ATP6AP1: variants seen among roughly 807,000 people sequenced by gnomAD.
ATP6AP1 encodes V-type proton ATPase subunit S1.
A neutral mutation model predicts 32.0 loss-of-function variants in ATP6AP1; 1 was observed. The observed-to-expected ratio is 0.03, with a 90% CI of 0.01 to 0.15. The LOEUF (loss-of-function observed/expected upper bound fraction) is 0.15, where lower values mean the gene tolerates loss of function less well. Ranked by LOEUF, ATP6AP1 falls within the 10% of genes least tolerant of loss-of-function variation. The probability of loss-of-function intolerance (pLI) is 1.00; values close to 1 mark genes in which losing one functional copy is unlikely to be tolerated. For synonymous variants in ATP6AP1, 187 were observed against 174.9 expected (o/e 1.07, Z -0.55); for missense variants, 297 against 398.8 (o/e 0.74, Z 2.17).
chrX:154,433,704 C>T lies in ATP6AP1; in HGVS notation c.668C>T (p.Ala223Val), dbSNP rs782275544. 5 of 1,211,208 alleles carry T rather than the reference C, an allele frequency of 4.1e-6. No homozygotes were observed. The highest frequency in any genetic ancestry group is 3.0e-5 in the East Asian group (1 of 33,827). Residue 223 changes from alanine (A) to valine (V), a missense_variant, in exon 6 of 10, where the codon GCG becomes GTG. By Grantham distance (64) the Ala-to-Val change is moderately conservative. Around this residue, in one of 2 missense-constraint regions of ATP6AP1, gnomAD observed 155 missense variants for 253.8 expected, o/e 0.61. Coordinates refer to ENST00000369762, the MANE Select transcript of ATP6AP1 (RefSeq NM_001183.6). ...GTCCCATACACAGCGGCCCTCACAG[C>T]GGTCCGCCCTTCCAGGGTATGTGCC... ...EDVPYTAALT[A>V]VRPSRVARDV...
rs150353253 is a variant in ATP6AP1 at position 154,433,705 on chromosome X, G to C, written c.669G>C (p.Ala223=). 6 of 1,209,675 alleles carry C rather than the reference G, an allele frequency of 5.0e-6. No individual in the cohort carries two copies. The highest frequency in any genetic ancestry group is 4.5e-6 in the Non-Finnish European group (4 of 894,676). ...EDVPYTAALT[A]VRPSRVARDV... is the part of the protein sequence containing the mutation. ...TCCCATACACAGCGGCCCTCACAGC[G>C]GTCCGCCCTTCCAGGGTATGTGCCC... Residue 223 remains alanine (A), a synonymous_variant, in exon 6 of 10, where the codon GCG becomes GCC. Coordinates refer to ENST00000369762, the MANE Select transcript of ATP6AP1 (RefSeq NM_001183.6).
In ATP6AP1 at chrX:154,435,759, G is replaced by C; in HGVS notation, c.1281G>C (p.Trp427Cys). 1 of 1,211,804 alleles carries C rather than the reference G, an allele frequency of 8.3e-7. No individual in the cohort carries two copies. ...DCASFFSPGI[W>C]MGLLTSLFML... ...CCAGCTTCTTCTCCCCCGGCATCTGGATGGGGCTGCTCACCTCCCTGTTCA... is the reference window on the plus strand; with the variant it reads ...CCAGCTTCTTCTCCCCCGGCATCTGCATGGGGCTGCTCACCTCCCTGTTCA... Residue 427 changes from tryptophan (W) to cysteine (C), a missense_variant, in exon 10 of 10, where the codon TGG becomes TGC. Trp to Cys is a radical substitution (Grantham distance 215). This residue lies in a region of ATP6AP1 where 155 missense variants were observed against 253.8 expected (regional missense o/e 0.61). Transcript: ENST00000369762.
chrX:154,429,233 C>G (rs1557196416), intron 2 of ATP6AP1, 59 bp downstream of exon 2: 2 of 1,166,915 alleles, frequency 1.7e-6, no homozygotes, highest in East Asian at 3.0e-5. Context: ...GCCCCCTCCC[C>G]CCATGACACT....
In ATP6AP1 at chrX:154,429,202, C is replaced by A; in HGVS notation, c.288+28C>A. ...GCGCCCGCCCCAGCCCACTCTCCCCCGGTCATCGGGAGGCAGCCAGGCCCC... is the reference window on the plus strand; with the variant it reads ...GCGCCCGCCCCAGCCCACTCTCCCCAGGTCATCGGGAGGCAGCCAGGCCCC... On this transcript the variant is annotated intron_variant, in intron 2 of 9. Coordinates refer to ENST00000369762, the MANE Select transcript of ATP6AP1 (RefSeq NM_001183.6). 1 of 1,207,355 alleles carries A rather than the reference C, an allele frequency of 8.3e-7. No homozygotes were observed. The highest frequency in any genetic ancestry group is 1.1e-6 in the Non-Finnish European group (1 of 892,799).
intron 7 of ATP6AP1, 139 bp from the exon 8 acceptor site, chrX:154,435,000 A>G: frequency 7.6e-6 from 5 of 653,940 alleles, no homozygotes; most frequent in Non-Finnish European, 1.2e-5. Flanking sequence ...CCTATCTGTC[A>G]AGTGGGGACA....
intron 3 of ATP6AP1, 22 bp downstream of exon 3, chrX:154,431,926 G>C: frequency 8.4e-7 from 1 of 1,190,956 alleles, no homozygotes; most frequent in Non-Finnish European, 1.1e-6. Flanking sequence ...CTCCCAGCCA[G>C]GGGCCATGGG....
At chrX:154,431,718 T>A in intron 2 of ATP6AP1, 112 bp from the exon 3 acceptor site, 18 of 670,425 alleles carry the variant, frequency 2.7e-5, no homozygotes, top group Admixed American at 4.8e-5. Flanking sequence ...TGAACCTGAC[T>A]CTCAGTGAGA....
chrX:154,428,910 G>A (rs1421394388), intron 1 of ATP6AP1, 57 bp downstream of exon 1: 42 of 1,092,836 alleles, frequency 3.8e-5, no homozygotes, highest in Non-Finnish European at 4.7e-5. Context: ...GCCCGACTCC[G>A]GCGCTGTCCT....
chrX:154,432,225 G>A, intron 3 of ATP6AP1, 41 bp from the exon 4 acceptor site: 1 of 1,134,213 alleles, frequency 8.8e-7, no homozygotes, highest in Non-Finnish European at 1.2e-6. Context: ...AGGCCCACTG[G>A]CCCCTGGCTA....
At chrX:154,435,555 G>A in intron 9 of ATP6AP1, 50 bp downstream of exon 9, 3 of 1,188,650 alleles carry the variant, frequency 2.5e-6, no homozygotes, top group Non-Finnish European at 3.4e-6. Context: ...CAGGCTAGTG[G>A]TTGAGAGACG....
chrX:154,435,562 G>A, intron 9 of ATP6AP1, 57 bp downstream of exon 9: 1 of 1,185,276 alleles, frequency 8.4e-7, no homozygotes, highest in Non-Finnish European at 1.1e-6. Flanking sequence ...GTGGTTGAGA[G>A]ACGAAGAGAG....
At position 154,429,092 on chromosome X, in the gene ATP6AP1, C is replaced by T. The variant is rs782710069; in HGVS notation, c.206C>T (p.Thr69Ile). 8.3e-7 allele frequency: 1 copy of T among 1,211,891 alleles called. No homozygotes were observed. The highest frequency in any genetic ancestry group is 1.8e-5 in the South Asian group (1 of 57,015). ...PAADTHEGHI[T>I]SDLQLSTYLD... ...GCCGACACTCATGAAGGCCACATCA[C>T]CAGCGACTTGCAGCTCTCTACCTAC... Residue 69 changes from threonine (T) to isoleucine (I), a missense_variant, in exon 2 of 10, where the codon ACC becomes ATC. Physicochemically the swap from Thr to Ile is moderately conservative, Grantham distance 89 (BLOSUM62 -1). This residue lies in a region of ATP6AP1 where 142 missense variants were observed against 145.0 expected (regional missense o/e 0.98). Transcript: ENST00000369762.
intron 6 of ATP6AP1, 78 bp from the exon 7 acceptor site, chrX:154,434,130 A>G: frequency 1.0e-6 from 1 of 977,204 alleles, no homozygotes. Flanking sequence ...TGGGAGGGGA[A>G]GGAGGGCACG....
intron 7 of ATP6AP1, 69 bp downstream of exon 7, chrX:154,434,515 G>A: frequency 9.4e-7 from 1 of 1,061,587 alleles, no homozygotes. Context: ...GGTCGCAGGT[G>A]GGGCAGGGAG....
chrX:154,435,120 T>C lies in ATP6AP1; in HGVS notation c.924-19T>C. ...CCCTCCCAGAGCCTCACAGTGCGCC[T>C]CTTTCTCTGGCCCCACAGGCTCTCA... On this transcript the variant is annotated intron_variant, in intron 7 of 9. Transcript: ENST00000369762. 8.3e-7 allele frequency: 1 copy of C among 1,206,392 alleles called. No individual in the cohort carries two copies. The highest frequency in any genetic ancestry group is 1.1e-6 in the Non-Finnish European group (1 of 891,950).
In ATP6AP1 at chrX:154,435,999, C is replaced by T; in HGVS notation, c.*108C>T. The T allele has an allele frequency of 1.3e-6, 1 of 782,549 alleles. No homozygotes were observed. The highest frequency in any genetic ancestry group is 1.9e-6 in the Non-Finnish European group (1 of 531,777). The allele number at this position is 782,549 out of a possible 1,213,427, so 64.5% of individuals were successfully genotyped here. Reference sequence around the variant, plus strand: ...TTCCCTCTTCCTACTGCAGCATGAACTGCAAGCTCCCCTCAGCCCATCTTG... The same window carrying T: ...TTCCCTCTTCCTACTGCAGCATGAATTGCAAGCTCCCCTCAGCCCATCTTG... On this transcript the variant is annotated 3_prime_UTR_variant, in exon 10 of 10. Transcript: ENST00000369762.
intron 2 of ATP6AP1, chrX:154,431,238 G>A (rs1557196713): frequency 1.8e-5 from 2 of 113,065 alleles, no homozygotes; most frequent in African/African-American, 6.6e-5. Flanking sequence ...GGATGGGAGT[G>A]GAGGGTAGGA....
At chrX:154,434,472 T>C in intron 7 of ATP6AP1, 26 bp downstream of exon 7, 1 of 1,179,727 alleles carries the variant, frequency 8.5e-7, no homozygotes, top group African/African-American at 1.7e-5. Context: ...TGGGGAGGAC[T>C]GTGCCACCAC....
intron 2 of ATP6AP1, 39 bp from the exon 3 acceptor site, chrX:154,431,791 G>A (rs782687619): frequency 8.4e-6 from 10 of 1,197,110 alleles, no homozygotes; most frequent in Middle Eastern, 2.5e-4. Flanking sequence ...CCCATCACTT[G>A]CCAAACCTCC....
Sources: allele counts gnomAD v4.1 joint callset, GRCh38; gene constraint gnomAD v4.1.1; regional missense constraint gnomAD v4.1.1; transcripts MANE v1.5; gene names NCBI Gene and HGNC (gene_info 2026-07-23, HGNC 2026-07-21).